The following ENTHD1 variants were observed in gnomAD, a reference collection of about 807,000 sequenced individuals.
The protein encoded by ENTHD1 is ENTH domain-containing protein 1.
ENTHD1 carries 23 observed loss-of-function variants against 39.1 expected under a neutral mutation model. The ratio of observed to expected loss-of-function variants is 0.59; its 90% CI spans 0.42 to 0.83. The LOEUF is 0.83. ENTHD1 is among the 40% of genes least tolerant of loss of function. The pLI, the probability that ENTHD1 is intolerant of heterozygous loss-of-function variation, is 0.00. For synonymous variants in ENTHD1, 230 were observed against 258.2 expected, an observed-to-expected ratio of 0.89 and a Z score of 1.05; for missense variants, 624 against 705.4, an observed-to-expected ratio of 0.88 and a Z score of 1.31.
chr22:39,854,572 G>T (rs1378709891), intron 3 of ENTHD1, among the ~76,000 whole-genome samples: 7 of 151,972 alleles, frequency 4.6e-5, no homozygotes, highest in Non-Finnish European at 1.0e-4. Flanking sequence ...TGTCCTTTTT[G>T]TATTGTTCTG....
At chr22:39,826,456 C>T (rs2065827429) in intron 4 of ENTHD1, among the ~76,000 whole-genome samples, 1 of 150,052 alleles carries the variant, frequency 6.7e-6, no homozygotes, top group South Asian at 2.1e-4. Context: ...GATTTCCTTT[C>T]TTCTATTCCT....
intron 5 of ENTHD1, among the ~76,000 whole-genome samples, chr22:39,813,220 A>G (rs911489991): frequency 6.6e-6 from 1 of 152,208 alleles, no homozygotes; most frequent in Non-Finnish European, 1.5e-5. Flanking sequence ...AAACAACCCT[A>G]TGCAAACTAG....
chr22:39,837,539 C>T (rs572192172), intron 3 of ENTHD1, among the ~76,000 whole-genome samples: 39 of 152,034 alleles, frequency 2.6e-4, no homozygotes, highest in Non-Finnish European at 4.7e-4. Flanking sequence ...TTAATCAAAG[C>T]AGAAAAAAAC....
At chr22:39,796,439 T>C (rs1434776659) in intron 5 of ENTHD1, among the ~76,000 whole-genome samples, 1 of 151,982 alleles carries the variant, frequency 6.6e-6, no homozygotes, top group Non-Finnish European at 1.5e-5. Context: ...TTTAAATTTT[T>C]TTGTAGAGAT....
At chr22:39,779,682 A>G (rs2065393049) in intron 5 of ENTHD1, among the ~76,000 whole-genome samples, 1 of 152,214 alleles carries the variant, frequency 6.6e-6, no homozygotes, top group Admixed American at 6.5e-5. Context: ...TGAATCCCCA[A>G]AGACAAATCT....
chr22:39,861,259 G>A (rs1254389528), intron 3 of ENTHD1, among the ~76,000 whole-genome samples: 2 of 152,216 alleles, frequency 1.3e-5, no homozygotes, highest in African/African-American at 4.8e-5. Flanking sequence ...ATAAAACTGG[G>A]CTGGGCACAG....
rs750573813 is a variant in ENTHD1 at position 39,774,946 on chromosome 22, A to G, written c.833-9337T>C. Among the ~76,000 whole-genome samples the G allele has an allele frequency of 3.3e-5, 5 of 152,292 alleles. No homozygotes were observed. The East Asian group carries it at 9.7e-4, about 29-fold the overall frequency. The stretch of plus-strand genomic sequence containing the variant: ...TTTGCTCATGCTGTTCCCTCAGCCT[A>G]GAATATCCTCTTCCTCACCCTTCTT... On this transcript the variant is annotated intron_variant, in intron 5 of 6. Transcript: ENST00000325157.
At chr22:39,746,677 T>C (rs553209067) in intron 6 of ENTHD1, among the ~76,000 whole-genome samples, 4 of 152,318 alleles carry the variant, frequency 2.6e-5, no homozygotes. Context: ...AGTTAGGTTC[T>C]AGGAGAAAAG....
chr22:39,822,305 A>G (rs912870568), intron 4 of ENTHD1, among the ~76,000 whole-genome samples: 16 of 152,108 alleles, frequency 1.1e-4, no homozygotes, highest in African/African-American at 3.9e-4. Context: ...TGAGTATTCA[A>G]TTATATAGTA....
chr22:39,870,850 A>T (rs1264368201), intron 2 of ENTHD1, among the ~76,000 whole-genome samples: 1 of 152,150 alleles, frequency 6.6e-6, no homozygotes, highest in East Asian at 1.9e-4. Flanking sequence ...GGTGCTAGGG[A>T]CAAGTAGAGG....
At chr22:39,892,500 C>A (rs1175562459) in intron 1 of ENTHD1, among the ~76,000 whole-genome samples, 1 of 152,224 alleles carries the variant, frequency 6.6e-6, no homozygotes, top group Non-Finnish European at 1.5e-5. Flanking sequence ...AACACATTAA[C>A]ATGTCTGCAA....
intron 3 of ENTHD1, among the ~76,000 whole-genome samples, chr22:39,845,519 G>A (rs1442052265): frequency 6.6e-6 from 1 of 152,146 alleles, no homozygotes; most frequent in African/African-American, 2.4e-5. Flanking sequence ...GCATGAAAGG[G>A]AAAGAAAGGG....
intron 3 of ENTHD1, among the ~76,000 whole-genome samples, chr22:39,843,110 GTA>G (rs1250328781): frequency 1.3e-5 from 2 of 151,892 alleles, no homozygotes; most frequent in Non-Finnish European, 2.9e-5. Flanking sequence ...CCATTACTGG[GTA>G]TATACCCAAA....
intron 6 of ENTHD1, among the ~76,000 whole-genome samples, chr22:39,759,555 T>G (rs2065213544): frequency 6.6e-6 from 1 of 152,098 alleles, no homozygotes; most frequent in South Asian, 2.1e-4. Context: ...AAGAGCCACC[T>G]TTAATCTGTT....
chr22:39,802,137 A>G (rs1429669412), intron 5 of ENTHD1, among the ~76,000 whole-genome samples: 1 of 152,210 alleles, frequency 6.6e-6, no homozygotes, highest in Non-Finnish European at 1.5e-5. Context: ...AAATAGAACT[A>G]TAGGGTGAAA....
intron 6 of ENTHD1, among the ~76,000 whole-genome samples, chr22:39,752,981 C>G (rs1174708123): frequency 6.6e-6 from 1 of 152,128 alleles, no homozygotes; most frequent in African/African-American, 2.4e-5. Context: ...GTTAATGGGT[C>G]TTGTGTGTGT....
chr22:39,851,987 T>A (rs556714130), intron 3 of ENTHD1, among the ~76,000 whole-genome samples: 1 of 152,274 alleles, frequency 6.6e-6, no homozygotes, highest in East Asian at 1.9e-4. Flanking sequence ...TCCATTTTTA[T>A]AAAAATAATT....
intron 5 of ENTHD1, among the ~76,000 whole-genome samples, chr22:39,784,089 T>G (rs577332007): frequency 2.0e-5 from 3 of 151,916 alleles, no homozygotes; most frequent in African/African-American, 4.8e-5. Context: ...CAAAAGATCT[T>G]AATAAACATT....
At chr22:39,782,767 C>A (rs1435052167) in intron 5 of ENTHD1, among the ~76,000 whole-genome samples, 1 of 151,776 alleles carries the variant, frequency 6.6e-6, no homozygotes, top group Non-Finnish European at 1.5e-5. Context: ...TTTAACATCC[C>A]TGGAACATAC....
Sources: gnomAD v4.1 joint callset for allele counts (sites outside exome capture counted in the v4.1 genomes callset) on GRCh38, gnomAD v4.1.1 for gene constraint, MANE v1.5 for transcripts, NCBI Gene and HGNC (gene_info 2026-07-23, HGNC 2026-07-21) for gene names.